Variants in DNAH14 observed in about 807,000 individuals in gnomAD.
The protein encoded by DNAH14 is dynein axonemal heavy chain 14.
In DNAH14, 478 loss-of-function variants were observed where a neutral mutation model predicts 520.9. The observed-to-expected ratio is 0.92, with a 90% CI of 0.85 to 0.99. The LOEUF (loss-of-function observed/expected upper bound fraction) is 0.99, where lower values mean the gene tolerates loss of function less well. DNAH14 is among the 50% of genes least tolerant of loss of function. The pLI is 0.00. For missense variants in DNAH14, 4,831 were observed against 5,234.5 expected, an observed-to-expected ratio of 0.92 and a Z score of 2.38; for synonymous variants, 1,581 against 1,757.2, an observed-to-expected ratio of 0.90 and a Z score of 2.51.
At chr1:225,085,519 C>A (rs754073405) in intron 20 of DNAH14, 25 bp from the exon 21 acceptor site, 2 of 1,521,720 alleles carry the variant, frequency 1.3e-6, no homozygotes, top group South Asian at 1.2e-5. Context: ...ATACTGGATA[C>A]TAAAGAATAC....
intron 25 of DNAH14, among the ~76,000 whole-genome samples, chr1:225,118,886 C>CAAAAAAAAA (rs35262847): frequency 1.3e-5 from 1 of 74,638 alleles, no homozygotes; most frequent in African/African-American, 4.3e-5. Flanking sequence ...CTCTCTGTCT[C>CAAAAAAAAA]AAAAAAAAAA....
At position 225,308,238 on chromosome 1, in the gene DNAH14, T is replaced by C. The variant is rs567416958; in HGVS notation, c.9115-47T>C. On this transcript the variant is annotated intron_variant, in intron 59 of 85. Transcript: ENST00000682510. ...TTGAATTGCTCTTTTAGAAAAGAGA[T>C]CATGTCTCTTAAAATTCATTCTAAG... 6.7e-5 allele frequency: 101 copies of C among 1,499,712 alleles called. 2 individuals carry two copies. The South Asian group carries it at 1.3e-3, about 19-fold the overall frequency. 92.9% of individuals were successfully genotyped at this position (1,499,712 alleles called of 1,614,324 possible). A position where few individuals can be genotyped will look rare whatever the true frequency, so the allele number is the denominator to read the frequency against.
intron 55 of DNAH14, among the ~76,000 whole-genome samples, chr1:225,297,676 G>A (rs1324827287): frequency 1.3e-5 from 2 of 152,226 alleles, no homozygotes; most frequent in Non-Finnish European, 2.9e-5. Flanking sequence ...AGGCTGTGAG[G>A]GTTTGTGGAG....
Position 225,331,513 on chromosome 1 carries a change from A to G in DNAH14, c.9800A>G (p.Lys3267Arg). Residue 3267 changes from lysine to arginine, a missense_variant, in exon 65 of 86, where the codon AAA (lysine) becomes AGA (arginine). Lys to Arg is a conservative substitution (Grantham distance 26). Coordinates refer to ENST00000682510, the MANE Select transcript of DNAH14 (RefSeq NM_001367479.1). ...VAEKQLLANR[K>R]TMASRRFQCA... ...GAAAAACAACTATTAGCAAATCGGA[A>G]AACAATGGCCAGCAGGCGCTTTCAG... 1 of 1,551,454 alleles carries G rather than the reference A, an allele frequency of 6.4e-7. No homozygotes were observed. Among genetic ancestry groups the G allele is most frequent in the Admixed American group, 2.0e-5 (1 of 50,972 alleles).
At chr1:225,241,503 T>A (rs12049495) in intron 43 of DNAH14, among the ~76,000 whole-genome samples, 1 of 151,964 alleles carries the variant, frequency 6.6e-6, no homozygotes, top group African/African-American at 2.4e-5. Flanking sequence ...GCTGAACAAC[T>A]GGGATGTGTT....
chr1:225,115,907 G>C (rs1445974709), intron 23 of DNAH14, among the ~76,000 whole-genome samples: 1 of 152,154 alleles, frequency 6.6e-6, no homozygotes, highest in African/African-American at 2.4e-5. Flanking sequence ...AAAAAGTAAG[G>C]AGATATTACA....
chr1:224,933,777 T>C (rs2449320), intron 1 of DNAH14, among the ~76,000 whole-genome samples: 30,943 of 151,952 alleles, frequency 0.2, 4,114 homozygotes, highest in African/African-American at 0.37. Context: ...ATAAATCCCA[T>C]TTGATCATGG....
intron 36 of DNAH14, among the ~76,000 whole-genome samples, chr1:225,182,263 G>T (rs2084126259): frequency 6.6e-6 from 1 of 152,092 alleles, no homozygotes; most frequent in Non-Finnish European, 1.5e-5. Flanking sequence ...CCTCATATAT[G>T]ATAGAAGTAG....
chr1:225,187,359 C>T (rs1337960862), intron 37 of DNAH14, among the ~76,000 whole-genome samples: 1 of 151,918 alleles, frequency 6.6e-6, no homozygotes, highest in East Asian at 1.9e-4. Flanking sequence ...TTGGCTTTCT[C>T]TTTCTATAGA....
rs993294428 is a variant in DNAH14 at position 225,308,304 on chromosome 1, A to G, written c.9134A>G (p.Glu3045Gly). 1.8e-5 allele frequency: 28 copies of G among 1,539,378 alleles called. No individual in the cohort carries two copies. The highest frequency in any genetic ancestry group is 2.4e-5 in the Non-Finnish European group (28 of 1,144,032). Residue 3045 changes from glutamate to glycine, a missense_variant, in exon 60 of 86, where the codon GAA becomes GGA. Transcript: ENST00000682510. Reference protein sequence around the residue: ...QKTKETETLMEKLRKDSQVVE... With the variant: ...QKTKETETLMGKLRKDSQVVE... ...CATTAGGAAACAGAAACTCTAATGG[A>G]AAAACTACGGAAAGATTCACAAGTA...
At chr1:225,227,566 T>G (rs1426990561) in intron 41 of DNAH14, among the ~76,000 whole-genome samples, 2 of 152,118 alleles carry the variant, frequency 1.3e-5, no homozygotes, top group Admixed American at 6.6e-5. Context: ...ACAGTAACAG[T>G]CTGATCTCTC....
At chr1:224,949,079 C>T (rs774567536) in intron 1 of DNAH14, among the ~76,000 whole-genome samples, 18 of 151,814 alleles carry the variant, frequency 1.2e-4, no homozygotes, top group Non-Finnish European at 2.2e-4. Flanking sequence ...TTTTATTTGC[C>T]TAGCAATGTC....
chr1:224,971,834 A>G (rs1276737414), intron 7 of DNAH14, among the ~76,000 whole-genome samples: 1 of 152,234 alleles, frequency 6.6e-6, no homozygotes, highest in East Asian at 1.9e-4. Context: ...GACCTGTCAC[A>G]TGTAGTGTAG....
At chr1:225,155,303 C>A (rs943693923) in intron 34 of DNAH14, among the ~76,000 whole-genome samples, 1 of 151,950 alleles carries the variant, frequency 6.6e-6, no homozygotes, top group Non-Finnish European at 1.5e-5. Context: ...AACTGTTTCC[C>A]TTTTAAAACA....
At chr1:225,257,549 T>G (rs2092781481) in intron 44 of DNAH14, among the ~76,000 whole-genome samples, 1 of 151,786 alleles carries the variant, frequency 6.6e-6, no homozygotes, top group Admixed American at 6.6e-5. Context: ...TTCTTTCTTT[T>G]TTTTTTTTGA....
intron 11 of DNAH14, among the ~76,000 whole-genome samples, chr1:225,024,854 CATATT>C (rs2065973634): frequency 1.3e-5 from 2 of 152,070 alleles, no homozygotes; most frequent in South Asian, 4.1e-4. Context: ...ATTAATTCAT[CATATT>C]ATAGCAAATT....
chr1:225,312,434 A>C (rs779124166), intron 60 of DNAH14, among the ~76,000 whole-genome samples: 1 of 152,122 alleles, frequency 6.6e-6, no homozygotes, highest in African/African-American at 2.4e-5. Flanking sequence ...AATACAATTT[A>C]TTTCTTTCTC....
rs746490123 is a variant in DNAH14, at chr1:225,360,668, C to G, written c.11777-13C>G. On this transcript the variant is annotated splice_polypyrimidine_tract_variant and intron_variant, in intron 74 of 85. Coordinates refer to ENST00000682510, the MANE Select transcript of DNAH14 (RefSeq NM_001367479.1). The stretch of plus-strand genomic sequence containing the variant: ...GCTTACAGTTTTATATACCTCTCCA[C>G]GTTGTTATACAGGGATCGACCTTAC... The G allele has an allele frequency of 3.5e-5, 54 of 1,547,410 alleles. No homozygotes were observed. The highest frequency in any genetic ancestry group is 4.6e-5 in the Non-Finnish European group (53 of 1,143,420).
intron 36 of DNAH14, among the ~76,000 whole-genome samples, chr1:225,181,408 C>T (rs147975471): frequency 0.026 from 3,992 of 152,250 alleles, 156 homozygotes; most frequent in African/African-American, 0.08. Flanking sequence ...CTCCAAACTG[C>T]TTTCCACAGT....
Sources: gnomAD v4.1 joint callset for allele counts (sites outside exome capture counted in the v4.1 genomes callset) on GRCh38, gnomAD v4.1.1 for gene constraint, MANE v1.5 for transcripts, NCBI Gene and HGNC (gene_info 2026-07-23, HGNC 2026-07-21) for gene names.